Variants in APBB3 observed in about 807,000 individuals in gnomAD.
APBB3 encodes the protein amyloid-beta A4 precursor protein-binding family B member 3.
Under a neutral mutation model 61.5 loss-of-function variants are expected in APBB3, and 50 were observed. That is an observed-to-expected ratio of 0.81 (90% CI 0.65 to 1.03). The LOEUF is 1.03. Ranked by LOEUF, APBB3 falls within the 50% of genes least tolerant of loss-of-function variation. The probability of loss-of-function intolerance (pLI) is 0.00; values close to 1 mark genes in which losing one functional copy is unlikely to be tolerated. For synonymous variants in APBB3, 235 were observed against 233.0 expected (o/e 1.01, Z -0.08); for missense variants, 550 against 637.4 (o/e 0.86, Z 1.48).
intron 8 of APBB3, 62 bp downstream of exon 8, chr5:140,561,525 T>G: frequency 6.2e-7 from 1 of 1,613,126 alleles, no homozygotes; most frequent in Non-Finnish European, 8.5e-7. Context: ...CCACCCCAAC[T>G]ACCTTGGAAG....
chr5:140,560,867 C>T lies in APBB3; in HGVS notation c.917-113G>A. 7.2e-7 allele frequency: 1 copy of T among 1,382,508 alleles called. No homozygotes were observed. Among genetic ancestry groups the T allele is most frequent in the Non-Finnish European group, 1.0e-6 (1 of 988,820 alleles). 85.6% of individuals were successfully genotyped at this position (1,382,508 alleles called of 1,614,324 possible). On this transcript the variant is annotated intron_variant, in intron 10 of 12. Transcript: ENST00000357560. The surrounding 1 kb of genome is among the most constrained non-coding windows in gnomAD (Gnocchi z 5.1). ...GAGATAGGGAATAGGATAGCTGGGG[C>T]AAGCCTTAGAATTCTGATTTGGGAA...
Position 140,562,433 on chromosome 5 carries a change from T to C in APBB3, c.418A>G (p.Ser140Gly), listed in dbSNP as rs777154368. ...TGGATACAGTTATTGACTGCAATAC[T>C]GCTCTTCCCCGGTGCCAGGTCCTCT... The part of the protein sequence containing the change: ...PEEDLAPGKS[S>G]IAVNNCIQQL... The change falls in exon 5 of 13, where the codon AGT becomes GGT. Residue 140 changes from serine (S) to glycine (G), a missense_variant. Ser to Gly is a moderately conservative substitution (Grantham distance 56). Coordinates refer to ENST00000357560, the MANE Select transcript of APBB3 (RefSeq NM_133173.3). The C allele has an allele frequency of 1.9e-6, 3 of 1,614,182 alleles. No homozygotes were observed. The South Asian group carries it at 3.3e-5, about 18-fold the overall frequency.
Position 140,561,656 on chromosome 5 carries a change from C to CAGCTCA in APBB3, c.677_678insTGAGCT (p.Lys226delinsAsnGluLeu). 1.2e-6 allele frequency: 2 copies of CAGCTCA among 1,614,236 alleles called. No individual in the cohort carries two copies. Among genetic ancestry groups the CAGCTCA allele is most frequent in the Non-Finnish European group, 1.7e-6 (2 of 1,180,040 alleles). ...GGACATCACAGCAAAACACATGGCACTTGAGCATACAGCTATCTTTGTCAC... is the reference window on the plus strand; with the variant it reads ...GGACATCACAGCAAAACACATGGCACAGCTCATTGAGCATACAGCTATCTTTGTCAC... On this transcript the variant is annotated protein_altering_variant, in exon 8 of 13. Coordinates refer to ENST00000357560, the MANE Select transcript of APBB3 (RefSeq NM_133173.3).
At position 140,564,305 on chromosome 5, in the gene APBB3, T is replaced by C; in HGVS notation, c.-60A>G. ...CGCACTCTCAGCCCAGCGCGACCTC[T>C]GGAGCTACTGCGCCTGCAAGCCCAG... On this transcript the variant is annotated 5_prime_UTR_variant, in exon 1 of 13. Transcript: ENST00000357560. The surrounding 1 kb of genome is among the most constrained non-coding windows in gnomAD (Gnocchi z 5.0). 4 of 1,587,816 alleles carry C rather than the reference T, an allele frequency of 2.5e-6. No homozygotes were observed. The highest frequency in any genetic ancestry group is 3.4e-6 in the Non-Finnish European group (4 of 1,170,562).
rs114266519 is a variant in APBB3 at position 140,560,645 on chromosome 5, G to A, written c.1026C>T (p.Pro342=). ...CTTCACCCTCTTCTGGTACCTGAAT[G>A]GGGTGTGCAGTCATGAGAGAGTCAG... The part of the protein sequence containing the change: ...SVSDSLMTAH[P]IQAEASTEEE... Residue 342 remains proline (P), a synonymous_variant, in exon 11 of 13, where the codon CCC becomes CCT. Transcript: ENST00000357560. This position sits in a 1 kb window ranked among gnomAD's most constrained non-coding sequence, Gnocchi z 5.1. 3.0e-3 allele frequency: 4,774 copies of A among 1,613,986 alleles called. 9 individuals carry two copies. The highest frequency in any genetic ancestry group is 3.6e-3 in the Non-Finnish European group (4,197 of 1,179,874).
rs780594369 is a variant in APBB3 at position 140,560,393 on chromosome 5, G to A, written c.1144C>T (p.Arg382Cys). Residue 382 changes from arginine (R) to cysteine (C), a missense_variant, in exon 12 of 13, where the codon CGT becomes TGT. Around this residue, in one of 3 missense-constraint regions of APBB3, gnomAD observed 7 missense variants for 21.5 expected, o/e 0.33. Transcript: ENST00000357560. This position sits in a 1 kb window ranked among gnomAD's most constrained non-coding sequence, Gnocchi z 5.1. Reference sequence around the variant, plus strand: ...AAGGCTGCGCACTGGAAGCTCTGACGGCCCAGGTCAGCGATGAGGCCAAAG... The same window carrying A: ...AAGGCTGCGCACTGGAAGCTCTGACAGCCCAGGTCAGCGATGAGGCCAAAG... Reference protein sequence around the residue: ...HTFGLIADLGRQSFQCAAFWC... With the variant: ...HTFGLIADLGCQSFQCAAFWC... The A allele has an allele frequency of 1.2e-5, 19 of 1,614,182 alleles. No individual in the cohort carries two copies. The highest frequency in any genetic ancestry group is 1.4e-5 in the Non-Finnish European group (17 of 1,180,048).
intron 3 of APBB3, 29 bp from the exon 4 acceptor site, chr5:140,562,752 C>A: frequency 1.2e-6 from 2 of 1,612,060 alleles, no homozygotes; most frequent in South Asian, 1.1e-5. Context: ...GTTAAGAGGA[C>A]CACATTTCCT....
intron 3 of APBB3, 84 bp downstream of exon 3, chr5:140,563,510 G>T (rs1755063086): frequency 1.3e-6 from 2 of 1,510,774 alleles, no homozygotes; most frequent in Non-Finnish European, 1.8e-6. Flanking sequence ...CAGAACCTGG[G>T]CTGGAAAGCA....
rs768663653 is a variant in APBB3, at chr5:140,560,668, C to A, written c.1003G>T (p.Asp335Tyr). Residue 335 changes from aspartate (D) to tyrosine (Y), a missense_variant, in exon 11 of 13, where the codon GAC becomes TAC. Around this residue, in one of 3 missense-constraint regions of APBB3, gnomAD observed 405 missense variants for 483.4 expected, o/e 0.84. Transcript: ENST00000357560. This position sits in a 1 kb window ranked among gnomAD's most constrained non-coding sequence, Gnocchi z 5.1. The part of the protein sequence containing the change: ...AWVPTMLSVS[D>Y]SLMTAHPIQA... The stretch of plus-strand genomic sequence containing the variant: ...ATGGGGTGTGCAGTCATGAGAGAGT[C>A]AGACACACTGAGCATGGTGGGGACC... 6.2e-7 allele frequency: 1 copy of A among 1,614,176 alleles called. No homozygotes were observed.
intron 7 of APBB3, 69 bp from the exon 8 acceptor site, chr5:140,561,770 G>A (rs1465884381): frequency 6.2e-7 from 1 of 1,614,028 alleles, no homozygotes; most frequent in East Asian, 2.2e-5. Flanking sequence ...AGGCTGGAAA[G>A]TCAGGCTAGG....
At position 140,560,313 on chromosome 5, in the gene APBB3, C is replaced by T. The variant is rs1645652521; in HGVS notation, c.1224G>A (p.Met408Ile). 1 of 1,613,018 alleles carries T rather than the reference C, an allele frequency of 6.2e-7. No individual in the cohort carries two copies. The change falls in exon 12 of 13, where the codon ATG (methionine) becomes ATA (isoleucine). Residue 408 changes from methionine (M) to isoleucine (I), a missense_variant and splice_region_variant. This residue lies in a region of APBB3 where 138 missense variants were observed against 132.6 expected (regional missense o/e 1.04). Coordinates refer to ENST00000357560, the MANE Select transcript of APBB3 (RefSeq NM_133173.3). The surrounding 1 kb of genome is among the most constrained non-coding windows in gnomAD (Gnocchi z 5.1). ...CAACCCATTCCCACCCATGACTCAC[C>T]ATACAGGCAGCCTGCACAGCTTCAG... ...GLSEAVQAACMVQYQKCLVAS... is the reference protein window; with the variant it reads ...GLSEAVQAACIVQYQKCLVAS...
At chr5:140,561,157 C>A (rs1754938350) in intron 9 of APBB3, 56 bp from the exon 10 acceptor site, 1 of 1,599,302 alleles carries the variant, frequency 6.3e-7, no homozygotes. Flanking sequence ...CTTTTCCCCA[C>A]CCTTCTCAAT....
At position 140,562,247 on chromosome 5, in the gene APBB3, G is replaced by A; in HGVS notation, c.499-20C>T. 1 of 1,613,878 alleles carries A rather than the reference G, an allele frequency of 6.2e-7. No individual in the cohort carries two copies. Among genetic ancestry groups the A allele is most frequent in the Non-Finnish European group, 8.5e-7 (1 of 1,179,916 alleles). The stretch of plus-strand genomic sequence containing the variant: ...CTGGCCCTGCCAAGGACAGAGGTCA[G>A]CCCAGAGCTCAGATAAAGGTCATTG... On this transcript the variant is annotated intron_variant, in intron 5 of 12. Transcript: ENST00000357560.
chr5:140,564,397 G>T lies in APBB3; in HGVS notation c.-152C>A. 3 of 867,574 alleles carry T rather than the reference G, an allele frequency of 3.5e-6. No individual in the cohort carries two copies. Among genetic ancestry groups the T allele is most frequent in the Non-Finnish European group, 3.5e-6 (2 of 565,474 alleles). The allele number at this position is 867,574 out of a possible 1,614,324, so 53.7% of individuals were successfully genotyped here. A position where few individuals can be genotyped will look rare whatever the true frequency, so the allele number is the denominator to read the frequency against. On this transcript the variant is annotated 5_prime_UTR_variant, in exon 1 of 13. Coordinates refer to ENST00000357560, the MANE Select transcript of APBB3 (RefSeq NM_133173.3). The surrounding 1 kb of genome is among the most constrained non-coding windows in gnomAD (Gnocchi z 5.0). Reference sequence around the variant, plus strand: ...AAATACGGGGCGGGACACGGGGCGGGACACGGGCCGGTCCCGGGGGAGGGC... The same window carrying T: ...AAATACGGGGCGGGACACGGGGCGGTACACGGGCCGGTCCCGGGGGAGGGC...
chr5:140,564,583 G>T lies in APBB3; in HGVS notation c.-338C>A. ...TGAACTCATCAGGCGCCTGAAGACCGACACGCCGAACATGCGCCGCGCGCA... is the reference window on the plus strand; with the variant it reads ...TGAACTCATCAGGCGCCTGAAGACCTACACGCCGAACATGCGCCGCGCGCA... On this transcript the variant is annotated 5_prime_UTR_variant, in exon 1 of 13. It introduces an in-frame stop codon into an upstream open reading frame of the 5' UTR. Coordinates refer to ENST00000357560, the MANE Select transcript of APBB3 (RefSeq NM_133173.3). This position sits in a 1 kb window ranked among gnomAD's most constrained non-coding sequence, Gnocchi z 5.0. The T allele has an allele frequency of 2.1e-6, 1 of 475,400 alleles. No individual in the cohort carries two copies. The allele number at this position is 475,400 out of a possible 1,614,324, so 29.4% of individuals were successfully genotyped here. A position where few individuals can be genotyped will look rare whatever the true frequency, so the allele number is the denominator to read the frequency against.
Position 140,558,399 on chromosome 5 carries a change from TGTG to T in APBB3, c.*183_*185del. On this transcript the variant is annotated 3_prime_UTR_variant, in exon 13 of 13. Coordinates refer to ENST00000357560, the MANE Select transcript of APBB3 (RefSeq NM_133173.3). ...GGAAAGGGGAGCCAGGGTCCTACGT[TGTG>T]GTGCAGTGCCTCCCAGTCATCCGTA... 1.4e-6 allele frequency: 1 copy of T among 721,074 alleles called. No individual in the cohort carries two copies. The highest frequency in any genetic ancestry group is 2.5e-6 in the Non-Finnish European group (1 of 406,900). The allele number at this position is 721,074 out of a possible 1,614,324, so 44.7% of individuals were successfully genotyped here. A position where few individuals can be genotyped will look rare whatever the true frequency, so the allele number is the denominator to read the frequency against.
At chr5:140,562,524 GA>G (rs1212683054) in intron 4 of APBB3, 25 bp from the exon 5 acceptor site, 1 of 1,613,372 alleles carries the variant, frequency 6.2e-7, no homozygotes, top group Admixed American at 1.7e-5. Context: ...GAAGGGACAG[GA>G]ATTAATAAGG....
At position 140,561,652 on chromosome 5, in the gene APBB3, G is replaced by GA; in HGVS notation, c.681_682insT (p.His228SerfsTer6). On this transcript the variant is annotated frameshift_variant, in exon 8 of 13. Coordinates refer to ENST00000357560, the MANE Select transcript of APBB3 (RefSeq NM_133173.3). LOFTEE classifies it high-confidence loss of function. ...GCAGGGACATCACAGCAAAACACAT[G>GA]GCACTTGAGCATACAGCTATCTTTG... 2 of 1,614,234 alleles carry GA rather than the reference G, an allele frequency of 1.2e-6. No individual in the cohort carries two copies. The highest frequency in any genetic ancestry group is 1.7e-6 in the Non-Finnish European group (2 of 1,180,038).
chr5:140,564,134 C>G lies in APBB3; in HGVS notation c.49+63G>C. 5.0e-6 allele frequency: 8 copies of G among 1,608,672 alleles called. No homozygotes were observed. The South Asian group carries it at 7.7e-5, about 16-fold the overall frequency. ...CCACCGTCTTTGAGCCCCAGAGTAGCCTTTCGGATTCCCTCGTCCTCCCTC... is the reference window on the plus strand; with the variant it reads ...CCACCGTCTTTGAGCCCCAGAGTAGGCTTTCGGATTCCCTCGTCCTCCCTC... On this transcript the variant is annotated intron_variant, in intron 1 of 12. Coordinates refer to ENST00000357560, the MANE Select transcript of APBB3 (RefSeq NM_133173.3). The surrounding 1 kb of genome is among the most constrained non-coding windows in gnomAD (Gnocchi z 5.0).
Sources: gnomAD v4.1 joint callset for allele counts on GRCh38, gnomAD v4.1.1 for gene constraint, gnomAD v4.1.1 regional missense constraint, Gnocchi (gnomAD v3.1) non-coding constraint, MANE v1.5 for transcripts, NCBI Gene and HGNC (gene_info 2026-07-23, HGNC 2026-07-21) for gene names.